CHST11: variants seen among roughly 807,000 people sequenced by gnomAD.
CHST11 encodes C4S-1.
A neutral mutation model predicts 30.4 loss-of-function variants in CHST11; 9 were observed. That is an observed-to-expected ratio of 0.30 (90% CI 0.18 to 0.52). CHST11 has a LOEUF of 0.52. Among genes scored for constraint, CHST11 ranks in the 20% least tolerant of loss-of-function variants. CHST11 has a pLI of 0.97. For missense variants in CHST11, 348 were observed against 460.6 expected (o/e 0.76, Z 2.24); for synonymous variants, 152 against 187.8 (o/e 0.81, Z 1.56).
intron 1 of CHST11, among the ~76,000 whole-genome samples, chr12:104,592,666 ATACT>A (rs1449720150): frequency 6.6e-6 from 1 of 152,202 alleles, no homozygotes; most frequent in Non-Finnish European, 1.5e-5. Context: ...AGTTTTGAGG[ATACT>A]TTCCCTAACC....
chr12:104,510,649 G>C (rs748849672), intron 1 of CHST11, among the ~76,000 whole-genome samples: 2 of 152,226 alleles, frequency 1.3e-5, no homozygotes, highest in Non-Finnish European at 2.9e-5. Flanking sequence ...TGTTTGTACA[G>C]CATGTCTTTC....
chr12:104,595,479 G>C (rs1273790675), intron 1 of CHST11, among the ~76,000 whole-genome samples: 7 of 152,140 alleles, frequency 4.6e-5, no homozygotes, highest in Admixed American at 6.5e-5. Context: ...TTTAACCCAT[G>C]GTTCTACAGG....
intron 1 of CHST11, among the ~76,000 whole-genome samples, chr12:104,507,837 G>GC (rs917605235): frequency 5.1e-4 from 77 of 152,058 alleles, no homozygotes; most frequent in African/African-American, 1.5e-3. Flanking sequence ...TTTCTCACCC[G>GC]CCCCCCACCA....
At chr12:104,726,564 G>A (rs1213361371) in intron 2 of CHST11, among the ~76,000 whole-genome samples, 4 of 152,050 alleles carry the variant, frequency 2.6e-5, no homozygotes, top group African/African-American at 9.7e-5. Context: ...GGACAGAGGA[G>A]GCAACATGCA....
At chr12:104,560,775 A>G (rs1361675402) in intron 1 of CHST11, among the ~76,000 whole-genome samples, 1 of 152,208 alleles carries the variant, frequency 6.6e-6, no homozygotes, top group Admixed American at 6.5e-5. Context: ...ATCCTCCATT[A>G]TAAACCCTTC....
intron 1 of CHST11, among the ~76,000 whole-genome samples, chr12:104,599,445 C>T (rs906616039): frequency 4.6e-5 from 7 of 152,306 alleles, no homozygotes; most frequent in East Asian, 1.9e-4. Flanking sequence ...CATAATTTTA[C>T]GAGTTTTATG....
chr12:104,465,715 G>A (rs1183580628), intron 1 of CHST11, among the ~76,000 whole-genome samples: 2 of 152,190 alleles, frequency 1.3e-5, no homozygotes, highest in Admixed American at 6.5e-5. Context: ...ATCCATGTGC[G>A]CAGAACTCAG....
intron 1 of CHST11, among the ~76,000 whole-genome samples, chr12:104,595,590 G>A (rs561659930): frequency 1.3e-5 from 2 of 152,312 alleles, no homozygotes; most frequent in Non-Finnish European, 2.9e-5. Flanking sequence ...AGGAGAAAAC[G>A]AGGCCCAGGG....
intron 2 of CHST11, among the ~76,000 whole-genome samples, chr12:104,698,163 A>G (rs568173752): frequency 6.6e-6 from 1 of 152,268 alleles, no homozygotes; most frequent in South Asian, 2.1e-4. Flanking sequence ...GCACCCCTGT[A>G]ACTGTTGCTA....
At position 104,482,624 on chromosome 12, in the gene CHST11, G is replaced by T. The variant is rs192162723; in HGVS notation, c.118+25095G>T. On this transcript the variant is annotated intron_variant, in intron 1 of 2. Transcript: ENST00000303694. ...TGGTCCTTTGAGCAAGGTAGGAGTT[G>T]TTGTAATAAGAGCTGACAATTATGG... Among the ~76,000 whole-genome samples, 190 of 152,210 alleles carry T rather than the reference G, an allele frequency of 1.2e-3. 1 individual carries two copies. Among genetic ancestry groups the T allele is most frequent in the Non-Finnish European group, 2.0e-3 (134 of 67,998 alleles).
In CHST11 at chr12:104,637,319, A is replaced by ACTC. The variant is rs1222353705; in HGVS notation, c.204+35328_204+35329insCTC. ...AGACCCTGTAAAAAAAAAAAAAAAA[A>ACTC]AAAAAAAAAAAAAAAAGGGGGTTGG... is the stretch of plus-strand genomic sequence containing the variant. On this transcript the variant is annotated intron_variant, in intron 2 of 2. Coordinates refer to ENST00000303694, the MANE Select transcript of CHST11 (RefSeq NM_018413.6). Among the ~76,000 whole-genome samples, 619 of 111,062 alleles carry ACTC rather than the reference A, an allele frequency of 5.6e-3. 49 individuals are homozygous for ACTC. Among genetic ancestry groups the ACTC allele is most frequent in the Middle Eastern group, 0.029 (7 of 244 alleles). 72.9% of individuals were successfully genotyped at this position (111,062 alleles called of 152,430 possible). A position where few individuals can be genotyped will look rare whatever the true frequency, so the allele number is the denominator to read the frequency against.
chr12:104,645,429 A>G (rs2039418018), intron 2 of CHST11, among the ~76,000 whole-genome samples: 1 of 152,148 alleles, frequency 6.6e-6, no homozygotes, highest in African/African-American at 2.4e-5. Flanking sequence ...CTGGGCCAGG[A>G]CTGGAGCTCA....
chr12:104,662,518 C>T lies in CHST11; in HGVS notation c.204+60527C>T, dbSNP rs1468976273. Among the ~76,000 whole-genome samples the T allele has an allele frequency of 2.6e-5, 4 of 152,146 alleles. No individual in the cohort carries two copies. The East Asian group carries it at 7.7e-4, about 29-fold the overall frequency. On this transcript the variant is annotated intron_variant, in intron 2 of 2. Coordinates refer to ENST00000303694, the MANE Select transcript of CHST11 (RefSeq NM_018413.6). ...GTCATGACTCAAACTAGATATTTTT[C>T]AAATGATAACGATTTTTAGGCCATT...
At chr12:104,668,874 G>A (rs1285666639) in intron 2 of CHST11, among the ~76,000 whole-genome samples, 2 of 152,150 alleles carry the variant, frequency 1.3e-5, no homozygotes, top group Non-Finnish European at 2.9e-5. Context: ...GCAACTCTGG[G>A]TTCCAGAAAT....
chr12:104,746,689 A>C (rs1373183039), intron 2 of CHST11, among the ~76,000 whole-genome samples: 1 of 152,196 alleles, frequency 6.6e-6, no homozygotes, highest in African/African-American at 2.4e-5. Flanking sequence ...AATCCAGAGA[A>C]ACCAATTTCC....
In CHST11 at chr12:104,757,480, G is replaced by A. The variant is rs1431608363; in HGVS notation, c.736G>A (p.Asp246Asn). The stretch of plus-strand genomic sequence containing the variant: ...CGAGGAGTTTGTGGCCTATCTCATC[G>A]ACCCACACACCCAGCGGGAGGAGCC... ...KFEEFVAYLI[D>N]PHTQREEPFN... The change falls in exon 3 of 3, where the codon GAC (aspartate) becomes AAC (asparagine). Residue 246 changes from aspartate (D) to asparagine (N), a missense_variant. Coordinates refer to ENST00000303694, the MANE Select transcript of CHST11 (RefSeq NM_018413.6). This position sits in a 1 kb window ranked among gnomAD's most constrained non-coding sequence, Gnocchi z 6.5. 4 of 1,613,868 alleles carry A rather than the reference G, an allele frequency of 2.5e-6. No individual in the cohort carries two copies. The highest frequency in any genetic ancestry group is 1.3e-5 in the African/African-American group (1 of 74,850).
intron 2 of CHST11, among the ~76,000 whole-genome samples, chr12:104,736,285 G>A (rs552812394): frequency 7.2e-5 from 11 of 152,242 alleles, no homozygotes; most frequent in South Asian, 2.1e-4. Flanking sequence ...ACTGCCCTGC[G>A]TGTGGCATGT....
chr12:104,685,346 A>G (rs1023465259), intron 2 of CHST11, among the ~76,000 whole-genome samples: 1 of 152,246 alleles, frequency 6.6e-6, no homozygotes, highest in East Asian at 1.9e-4. Flanking sequence ...GTTGTTTGGT[A>G]TAAGAAACCT....
chr12:104,540,260 A>G (rs1245280981), intron 1 of CHST11, among the ~76,000 whole-genome samples: 1 of 152,262 alleles, frequency 6.6e-6, no homozygotes, highest in Non-Finnish European at 1.5e-5. Flanking sequence ...AAAAAGTCAT[A>G]AATAAAATGA....
Sources: gnomAD v4.1 joint callset for allele counts (sites outside exome capture counted in the v4.1 genomes callset) on GRCh38, gnomAD v4.1.1 for gene constraint, Gnocchi (gnomAD v3.1) non-coding constraint, MANE v1.5 for transcripts, NCBI Gene and HGNC (gene_info 2026-07-23, HGNC 2026-07-21) for gene names.